The following PPP1R7 variants were observed in gnomAD, a reference collection of about 807,000 sequenced individuals.
The protein encoded by PPP1R7 is protein phosphatase 1 regulatory subunit 7.
PPP1R7 carries 18 observed loss-of-function variants against 45.2 expected under a neutral mutation model. The ratio of observed to expected loss-of-function variants is 0.40; its 90% CI spans 0.28 to 0.59. The LOEUF is 0.59. Ranked by LOEUF, PPP1R7 falls within the 20% of genes least tolerant of loss-of-function variation. The probability of loss-of-function intolerance (pLI) is 0.46; values close to 1 mark genes in which losing one functional copy is unlikely to be tolerated. For missense variants in PPP1R7, 314 were observed against 455.8 expected (o/e 0.69, Z 2.83); for synonymous variants, 181 against 183.4 (o/e 0.99, Z 0.11).
At chr2:241,156,993 T>A (rs1384024451) in intron 2 of PPP1R7, among the ~76,000 whole-genome samples, 1 of 152,180 alleles carries the variant, frequency 6.6e-6, no homozygotes, top group East Asian at 1.9e-4. Context: ...TGTGTGTGTC[T>A]TAGTCCTTTT....
chr2:241,160,365 C>G lies in PPP1R7; in HGVS notation c.468C>G (p.Asn156Lys). The G allele has an allele frequency of 1.2e-6, 2 of 1,608,266 alleles. No individual in the cohort carries two copies. Among genetic ancestry groups the G allele is most frequent in the Non-Finnish European group, 8.5e-7 (1 of 1,178,450 alleles). Residue 156 changes from asparagine to lysine, a missense_variant, in exon 6 of 10, where the codon AAC becomes AAG. Coordinates refer to ENST00000234038, the MANE Select transcript of PPP1R7 (RefSeq NM_002712.3). Reference protein sequence around the residue: ...ILDISFNLLRNIEGVDKLTRL... With the variant: ...ILDISFNLLRKIEGVDKLTRL... ...ATATTTCTTTTAATCTGCTGAGAAA[C>G]ATCGAAGGGGTTGACAAGTTGACAC...
rs1266472657 is a variant in PPP1R7 at position 241,150,501 on chromosome 2, G to A, written c.6G>A (p.Ala2=). ...AAAGGGGAAGAGCAGCCAACATGGC[G>A]GCGGAACGCGGCGCGGGGCAGCAAC... M[A]AERGAGQQQS... Residue 2 remains alanine, a synonymous_variant, in exon 1 of 10, where the codon GCG becomes GCA. Transcript: ENST00000234038. 10 of 1,598,432 alleles carry A rather than the reference G, an allele frequency of 6.3e-6. No individual in the cohort carries two copies. The highest frequency in any genetic ancestry group is 4.7e-5 in the East Asian group (2 of 42,882).
At chr2:241,164,380 C>T (rs1293939050) in intron 7 of PPP1R7, among the ~76,000 whole-genome samples, 2 of 152,228 alleles carry the variant, frequency 1.3e-5, no homozygotes, top group Admixed American at 6.5e-5. Flanking sequence ...TGTTAGACTT[C>T]TGCATTTGGG....
intron 9 of PPP1R7, among the ~76,000 whole-genome samples, chr2:241,182,343 A>G (rs2068019725): frequency 6.6e-6 from 1 of 152,176 alleles, no homozygotes; most frequent in African/African-American, 2.4e-5. Flanking sequence ...TTGCCTATGG[A>G]CAAGTGTAGC....
At chr2:241,157,945 T>C in intron 3 of PPP1R7, 83 bp downstream of exon 3, 1 of 1,445,916 alleles carries the variant, frequency 6.9e-7, no homozygotes, top group Non-Finnish European at 9.7e-7. Context: ...AGTAAGTTAT[T>C]TCCCTAGAGA....
chr2:241,162,094 A>G (rs1246530377), intron 6 of PPP1R7, among the ~76,000 whole-genome samples: 5 of 152,242 alleles, frequency 3.3e-5, no homozygotes, highest in Non-Finnish European at 5.9e-5. Context: ...TGTCATGGCC[A>G]CAAATAGCAA....
intron 2 of PPP1R7, among the ~76,000 whole-genome samples, chr2:241,156,030 G>A (rs1302298851): frequency 1.3e-5 from 2 of 152,284 alleles, no homozygotes; most frequent in East Asian, 3.9e-4. Context: ...ACAATGAAGT[G>A]AATGCAACCA....
intron 8 of PPP1R7, among the ~76,000 whole-genome samples, chr2:241,169,533 T>C (rs2067778388): frequency 6.6e-6 from 1 of 152,076 alleles, no homozygotes; most frequent in African/African-American, 2.4e-5. Flanking sequence ...TCTGACACAG[T>C]CTCAAATTCC....
At chr2:241,158,323 A>G in intron 3 of PPP1R7, 161 bp from the exon 4 acceptor site, 2 of 651,934 alleles carry the variant, frequency 3.1e-6, no homozygotes, top group South Asian at 1.7e-5. Flanking sequence ...CACTAAGCCA[A>G]AGAGCCCCCG....
At chr2:241,161,800 G>A (rs1328994291) in intron 6 of PPP1R7, among the ~76,000 whole-genome samples, 1 of 152,194 alleles carries the variant, frequency 6.6e-6, no homozygotes, top group East Asian at 1.9e-4. Flanking sequence ...GGTTCCCGTG[G>A]GCAGGAAGGA....
At chr2:241,181,747 C>T (rs1230216401) in intron 9 of PPP1R7, among the ~76,000 whole-genome samples, 2 of 152,220 alleles carry the variant, frequency 1.3e-5, no homozygotes, top group Non-Finnish European at 2.9e-5. Context: ...CACCCTATAA[C>T]GAGTGCCCCT....
rs1051980156 is a variant in PPP1R7 at position 241,150,659 on chromosome 2, G to C, written c.52+112G>C. 6.8e-6 allele frequency: 9 copies of C among 1,315,912 alleles called. No individual in the cohort carries two copies. In the African/African-American group the frequency reaches 1.2e-4, roughly 18 times the overall value. 81.5% of individuals were successfully genotyped at this position (1,315,912 alleles called of 1,614,324 possible). A position where few individuals can be genotyped will look rare whatever the true frequency, so the allele number is the denominator to read the frequency against. On this transcript the variant is annotated intron_variant, in intron 1 of 9. Coordinates refer to ENST00000234038, the MANE Select transcript of PPP1R7 (RefSeq NM_002712.3). ...CCACGTCCTGCCTCTGGCCGCCGCCGCGCGGCCCCCTGACAGCTGACAGCC... is the reference window on the plus strand; with the variant it reads ...CCACGTCCTGCCTCTGGCCGCCGCCCCGCGGCCCCCTGACAGCTGACAGCC...
At chr2:241,159,180 C>G (rs749251531) in intron 4 of PPP1R7, 33 bp from the exon 5 acceptor site, 30 of 1,609,242 alleles carry the variant, frequency 1.9e-5, no homozygotes, top group South Asian at 3.3e-5. Flanking sequence ...CTCCCCCTTG[C>G]CTGTGTCAAT....
chr2:241,158,700 G>A (rs2067516490), intron 4 of PPP1R7, 151 bp downstream of exon 4: 2 of 717,004 alleles, frequency 2.8e-6, no homozygotes, highest in Admixed American at 4.4e-5. Context: ...TCTTTACTGG[G>A]AGCACAGCAG....
At chr2:241,161,995 G>C (rs2067603710) in intron 6 of PPP1R7, among the ~76,000 whole-genome samples, 1 of 152,198 alleles carries the variant, frequency 6.6e-6, no homozygotes, top group African/African-American at 2.4e-5. Flanking sequence ...AGCATTCTCT[G>C]TCTGTCCTGG....
chr2:241,151,383 G>C (rs2067298150), intron 1 of PPP1R7: 1 of 464,608 alleles, frequency 2.2e-6, no homozygotes, highest in Non-Finnish European at 4.5e-6. Flanking sequence ...GCTGGGGAAG[G>C]AGGGCGGGTG....
chr2:241,168,834 G>A (rs2268898), intron 8 of PPP1R7, among the ~76,000 whole-genome samples: 1 of 152,188 alleles, frequency 6.6e-6, no homozygotes, highest in Admixed American at 6.5e-5. Context: ...CAGGGGAGAT[G>A]GGGGGAGGAG....
chr2:241,156,938 G>A (rs1201627190), intron 2 of PPP1R7, among the ~76,000 whole-genome samples: 1 of 152,008 alleles, frequency 6.6e-6, no homozygotes, highest in Non-Finnish European at 1.5e-5. Context: ...TGTGTAGTGT[G>A]CATACGTGCC....
At chr2:241,167,115 C>T (rs186196016) in intron 8 of PPP1R7, 14 of 1,582,326 alleles carry the variant, frequency 8.8e-6, no homozygotes, top group Non-Finnish European at 1.2e-5. Flanking sequence ...CTGCCTCCAG[C>T]TCACCCTGCT....
Sources: gnomAD v4.1 joint callset for allele counts (sites outside exome capture counted in the v4.1 genomes callset) on GRCh38, gnomAD v4.1.1 for gene constraint, MANE v1.5 for transcripts, NCBI Gene and HGNC (gene_info 2026-07-23, HGNC 2026-07-21) for gene names.